The following ATG10 variants were observed in gnomAD, a reference collection of about 807,000 sequenced individuals.
ATG10 encodes autophagy related 10.
In ATG10, 30 loss-of-function variants were observed where a neutral mutation model predicts 32.1. The observed-to-expected ratio is 0.94, with a 90% CI of 0.70 to 1.27. The LOEUF is 1.27. Ranked by LOEUF, ATG10 falls within the 50% of genes most tolerant of loss-of-function variation. ATG10 has a pLI of 0.00. For synonymous variants in ATG10, 87 were observed against 91.5 expected, an observed-to-expected ratio of 0.95 and a Z score of 0.28; for missense variants, 233 against 262.3, an observed-to-expected ratio of 0.89 and a Z score of 0.77.
intron 3 of ATG10, among the ~76,000 whole-genome samples, chr5:82,098,285 T>C (rs1464703334): frequency 1.3e-5 from 2 of 151,926 alleles, no homozygotes; most frequent in Non-Finnish European, 2.9e-5. Flanking sequence ...CTTTAAACAT[T>C]TTATTGTTAA....
intron 2 of ATG10, among the ~76,000 whole-genome samples, chr5:82,044,687 G>A (rs539486653): frequency 3.2e-4 from 49 of 152,260 alleles, no homozygotes; most frequent in African/African-American, 1.1e-3. Flanking sequence ...CCACAGCTAA[G>A]GCATTTACTT....
In ATG10 at chr5:82,228,648, A is replaced by T. The variant is rs558550848; in HGVS notation, c.454-23914A>T. 4.6e-5 allele frequency among the ~76,000 whole-genome samples: 7 copies of T among 152,364 alleles called. No individual in the cohort carries two copies. In the East Asian group the frequency reaches 1.3e-3, roughly 29 times the overall value. On this transcript the variant is annotated intron_variant, in intron 5 of 7. Coordinates refer to ENST00000282185, the MANE Select transcript of ATG10 (RefSeq NM_031482.5). Reference sequence around the variant, plus strand: ...TCAATTGAATGCATTTAAGATAATGATGTAATATTAATAGTTGTATTTAAA... The same window carrying T: ...TCAATTGAATGCATTTAAGATAATGTTGTAATATTAATAGTTGTATTTAAA...
Position 82,132,228 on chromosome 5 carries a change from G to A in ATG10, c.217-32171G>A, listed in dbSNP as rs1313882919. On this transcript the variant is annotated intron_variant, in intron 3 of 7. Transcript: ENST00000282185. ...TCCTGGCAGTTGGCACTCATTGAAA[G>A]TTAACTGCCATTATTATTATTATTT... 2.6e-5 allele frequency among the ~76,000 whole-genome samples: 4 copies of A among 151,996 alleles called. No homozygotes were observed. The South Asian group carries it at 6.2e-4, about 24-fold the overall frequency.
At chr5:82,139,315 G>A (rs1260465679) in intron 3 of ATG10, among the ~76,000 whole-genome samples, 2 of 150,698 alleles carry the variant, frequency 1.3e-5, no homozygotes, top group Non-Finnish European at 3.0e-5. Context: ...TGTCTGGGAT[G>A]TGAGGAGCCC....
chr5:82,085,844 A>G (rs1351977149), intron 3 of ATG10, among the ~76,000 whole-genome samples: 1 of 152,084 alleles, frequency 6.6e-6, no homozygotes, highest in Non-Finnish European at 1.5e-5. Flanking sequence ...TATTTTACTT[A>G]TTTCTAATTA....
At chr5:82,193,363 T>C (rs1744730601) in intron 5 of ATG10, among the ~76,000 whole-genome samples, 1 of 152,216 alleles carries the variant, frequency 6.6e-6, no homozygotes, top group Non-Finnish European at 1.5e-5. Flanking sequence ...TTCTGACAGA[T>C]TTTCTCTCCT....
intron 5 of ATG10, among the ~76,000 whole-genome samples, chr5:82,234,448 A>G (rs1388893683): frequency 6.6e-6 from 1 of 152,080 alleles, no homozygotes; most frequent in Non-Finnish European, 1.5e-5. Flanking sequence ...CCTGCCCTAG[A>G]TTCGTACCTT....
chr5:82,156,664 G>T (rs1378922099), intron 3 of ATG10, among the ~76,000 whole-genome samples: 1 of 152,194 alleles, frequency 6.6e-6, no homozygotes, highest in East Asian at 1.9e-4. Flanking sequence ...TAACACTGAA[G>T]AGAAACACAC....
chr5:82,031,069 T>C (rs896496384), intron 2 of ATG10, among the ~76,000 whole-genome samples: 49 of 152,140 alleles, frequency 3.2e-4, no homozygotes, highest in African/African-American at 9.9e-4. Flanking sequence ...TAACTTCTTA[T>C]TTTATTTTTA....
chr5:81,996,895 G>A (rs920994244), intron 2 of ATG10, among the ~76,000 whole-genome samples: 21 of 152,146 alleles, frequency 1.4e-4, no homozygotes, highest in African/African-American at 4.6e-4. Context: ...AAATATGAAA[G>A]TACTTAGCAG....
intron 3 of ATG10, among the ~76,000 whole-genome samples, chr5:82,107,686 A>G (rs1357063529): frequency 6.6e-6 from 1 of 152,088 alleles, no homozygotes; most frequent in Non-Finnish European, 1.5e-5. Flanking sequence ...GTAAATGCTT[A>G]CTGTTTATAA....
At chr5:82,235,733 G>A (rs1746529644) in intron 5 of ATG10, among the ~76,000 whole-genome samples, 1 of 152,150 alleles carries the variant, frequency 6.6e-6, no homozygotes. Flanking sequence ...GTTTTTACTG[G>A]AACAAAACAT....
intron 2 of ATG10, among the ~76,000 whole-genome samples, chr5:82,038,068 A>T (rs1478532447): frequency 6.6e-6 from 1 of 152,252 alleles, no homozygotes; most frequent in Admixed American, 6.5e-5. Flanking sequence ...TATTTTCAAG[A>T]TAAAGATTGT....
chr5:82,145,926 C>T (rs1767337616), intron 3 of ATG10, among the ~76,000 whole-genome samples: 1 of 152,118 alleles, frequency 6.6e-6, no homozygotes, highest in Non-Finnish European at 1.5e-5. Context: ...AGGCTGGTCT[C>T]AAACTCCTGA....
At chr5:82,167,181 A>G (rs1447657738) in intron 4 of ATG10, among the ~76,000 whole-genome samples, 2 of 152,130 alleles carry the variant, frequency 1.3e-5, no homozygotes, top group African/African-American at 2.4e-5. Context: ...TGTCGCTCCC[A>G]TGTCATGTCA....
intron 5 of ATG10, among the ~76,000 whole-genome samples, chr5:82,219,615 C>T (rs898658192): frequency 7.9e-5 from 12 of 152,158 alleles, no homozygotes; most frequent in Admixed American, 7.9e-4. Context: ...AAAACCAATA[C>T]AGCTGCACCA....
chr5:82,138,343 G>A (rs1414112637), intron 3 of ATG10, among the ~76,000 whole-genome samples: 1 of 152,200 alleles, frequency 6.6e-6, no homozygotes, highest in Non-Finnish European at 1.5e-5. Flanking sequence ...TTCAAACCCA[G>A]GGCCCTGGTG....
At chr5:81,982,018 G>GA (rs1761062475) in intron 1 of ATG10, among the ~76,000 whole-genome samples, 1 of 152,072 alleles carries the variant, frequency 6.6e-6, no homozygotes. Flanking sequence ...CCCTCACTTG[G>GA]AAAAACAGAA....
chr5:82,249,178 CTTTTA>C (rs927989918), intron 5 of ATG10, among the ~76,000 whole-genome samples: 17 of 152,038 alleles, frequency 1.1e-4, no homozygotes, highest in African/African-American at 1.2e-4. Context: ...AGTACCTAAA[CTTTTA>C]TTTTAATTTA....
Sources: gnomAD v4.1 joint callset for allele counts (sites outside exome capture counted in the v4.1 genomes callset) on GRCh38, gnomAD v4.1.1 for gene constraint, MANE v1.5 for transcripts, NCBI Gene and HGNC (gene_info 2026-07-23, HGNC 2026-07-21) for gene names.